Variants in DAP3 observed in about 807,000 individuals in gnomAD.
DAP3 encodes the protein small ribosomal subunit protein mS29.
A neutral mutation model predicts 51.9 loss-of-function variants in DAP3; 28 were observed. That is an observed-to-expected ratio of 0.54 (90% CI 0.40 to 0.74). DAP3 has a LOEUF of 0.74. Ranked by LOEUF, DAP3 falls within the 30% of genes least tolerant of loss-of-function variation. DAP3 has a pLI of 0.00. For missense variants in DAP3, 458 were observed against 483.5 expected (o/e 0.95, Z 0.49); for synonymous variants, 170 against 170.3 (o/e 1.00, Z 0.01).
At chr1:155,709,376 GC>G (rs1656415052) in intron 1 of DAP3, among the ~76,000 whole-genome samples, 1 of 151,980 alleles carries the variant, frequency 6.6e-6, no homozygotes, top group Non-Finnish European at 1.5e-5. Context: ...GAACTCCTGG[GC>G]TCAAGCAATC....
At chr1:155,727,140 A>C (rs1371560618) in intron 6 of DAP3, 1 of 152,368 alleles carries the variant, frequency 6.6e-6, no homozygotes, top group African/African-American at 2.4e-5. Flanking sequence ...CAAAACTTGC[A>C]TTTGTCTCTT....
At chr1:155,729,553 G>T (rs1658979526) in intron 9 of DAP3, among the ~76,000 whole-genome samples, 187 bp downstream of exon 9, 1 of 152,186 alleles carries the variant, frequency 6.6e-6, no homozygotes, top group Non-Finnish European at 1.5e-5. Context: ...GCTGAGGTGG[G>T]AGGATCGCTT....
intron 1 of DAP3, among the ~76,000 whole-genome samples, chr1:155,704,911 G>A (rs1040294044): frequency 2.6e-5 from 4 of 151,748 alleles, no homozygotes. Flanking sequence ...CTCGGGAAGT[G>A]GATGTTGCAG....
At chr1:155,688,416 C>A (rs1446408355), upstream of DAP3, 13 of 1,545,872 alleles carry the variant, frequency 8.4e-6, no homozygotes, top group African/African-American at 1.8e-4. Context: ...CCACTCCTCC[C>A]TCCTCGCGTT....
In DAP3 at chr1:155,729,218, G is replaced by A. The variant is rs145328544; in HGVS notation, c.695G>A (p.Arg232Gln). 6.2e-7 allele frequency: 1 copy of A among 1,614,206 alleles called. No individual in the cohort carries two copies. Among genetic ancestry groups the A allele is most frequent in the Non-Finnish European group, 8.5e-7 (1 of 1,180,044 alleles). The change falls in exon 9 of 13, where the codon CGG (arginine) becomes CAG (glutamine). Residue 232 changes from arginine to glutamine, a missense_variant. Physicochemically the swap from Arg to Gln is conservative, Grantham distance 43 (BLOSUM62 1). Transcript: ENST00000368336. ...TGTCTCTCCCAATAGGGCATAACAC[G>A]GGTGAGGAACGCCACAGATGCAGTT... is the stretch of plus-strand genomic sequence containing the variant. ...LGEVVEQGIT[R>Q]VRNATDAVGI... is the part of the protein sequence containing the mutation.
At chr1:155,701,862 C>G (rs375938803) in intron 1 of DAP3, among the ~76,000 whole-genome samples, 2 of 151,114 alleles carry the variant, frequency 1.3e-5, no homozygotes, top group East Asian at 3.9e-4. Flanking sequence ...AGCCAACTTT[C>G]AAAAAGAATA....
chr1:155,702,151 TAAAAAAAA>T (rs71080722), intron 1 of DAP3, among the ~76,000 whole-genome samples: 1 of 101,672 alleles, frequency 9.8e-6, no homozygotes, highest in Non-Finnish European at 2.0e-5. Flanking sequence ...ATTCTGCCTA[TAAAAAAAA>T]AAAAAAAAAA....
chr1:155,717,215 A>G, intron 3 of DAP3, 87 bp downstream of exon 3: 3 of 1,569,456 alleles, frequency 1.9e-6, no homozygotes, highest in Non-Finnish European at 2.6e-6. Flanking sequence ...TGAAACTGAA[A>G]GAAGCTTAGT....
At position 155,727,630 on chromosome 1, in the gene DAP3, T is replaced by C; in HGVS notation, c.495T>C (p.Cys165=). 6.2e-7 allele frequency: 1 copy of C among 1,613,164 alleles called. No individual in the cohort carries two copies. Among genetic ancestry groups the C allele is most frequent in the Non-Finnish European group, 8.5e-7 (1 of 1,179,566 alleles). The part of the protein sequence containing the change: ...IPDAHLWVKN[C]RDLLQSSYNK... ...AAGCTCATCTTTGGGTGAAAAATTG[T>C]CGGGATCTTCTGCAGTCCAGCTACA... is the stretch of plus-strand genomic sequence containing the variant. Residue 165 remains cysteine, a synonymous_variant, in exon 7 of 13, where the codon TGT becomes TGC. Transcript: ENST00000368336.
chr1:155,721,443 CACAT>C, intron 3 of DAP3, 70 bp from the exon 4 acceptor site: 1 of 1,229,624 alleles, frequency 8.1e-7, no homozygotes, highest in Admixed American at 1.8e-5. Flanking sequence ...TATATACACA[CACAT>C]AGATAAGACA....
rs1385496823 is a variant in DAP3, at chr1:155,717,106, C to T, written c.146C>T (p.Ser49Phe). The T allele has an allele frequency of 1.9e-6, 3 of 1,613,906 alleles. No homozygotes were observed. Among genetic ancestry groups the T allele is most frequent in the Non-Finnish European group, 1.7e-6 (2 of 1,179,950 alleles). ...CCAGTTGAGAGTCCGAGAGCTATTT[C>T]CCGCACCAATGAGAATGACCCGGTG... Reference protein sequence around the residue: ...QVPVESPRAISRTNENDPAKH... With the variant: ...QVPVESPRAIFRTNENDPAKH... The change falls in exon 3 of 13, where the codon TCC becomes TTC. Residue 49 changes from serine to phenylalanine, a missense_variant. Ser to Phe is a radical substitution (Grantham distance 155). Coordinates refer to ENST00000368336, the MANE Select transcript of DAP3 (RefSeq NM_004632.4).
chr1:155,690,740 CT>C lies in DAP3; in HGVS notation c.-8+1574del, dbSNP rs1015807318. 4.2e-5 allele frequency among the ~76,000 whole-genome samples: 6 copies of C among 141,324 alleles called. 1 individual carries two copies. The highest frequency in any genetic ancestry group is 1.3e-4 in the African/African-American group (4 of 30,976). 92.7% of individuals were successfully genotyped at this position (141,324 alleles called of 152,430 possible). A position where few individuals can be genotyped will look rare whatever the true frequency, so the allele number is the denominator to read the frequency against. On this transcript the variant is annotated intron_variant, in intron 1 of 12. Transcript: ENST00000368336. ...TTTGCAACTCTTCTGTAAATTTACA[CT>C]TTTTTTTGTTTGTTTGCTTTGAGAT...
chr1:155,702,900 C>T (rs1283535286), intron 1 of DAP3, among the ~76,000 whole-genome samples: 1 of 152,100 alleles, frequency 6.6e-6, no homozygotes, highest in Non-Finnish European at 1.5e-5. Context: ...ACCTGGGAGG[C>T]AGAGGTTGCA....
At chr1:155,697,878 G>C (rs908612321) in intron 1 of DAP3, among the ~76,000 whole-genome samples, 1 of 152,216 alleles carries the variant, frequency 6.6e-6, no homozygotes, top group African/African-American at 2.4e-5. Context: ...AACTGCATAA[G>C]ACAGACACTC....
At chr1:155,698,728 A>T (rs1422160431) in intron 1 of DAP3, among the ~76,000 whole-genome samples, 1 of 152,180 alleles carries the variant, frequency 6.6e-6, no homozygotes, top group Non-Finnish European at 1.5e-5. Flanking sequence ...GCATAAAACA[A>T]ATCCATAAGA....
In DAP3 at chr1:155,721,555, C is replaced by T; in HGVS notation, c.207C>T (p.Asn69=). The part of the protein sequence containing the change: ...HGDQHEGQHY[N]ISPQDLETVF... ...ATCAGCACGAGGGTCAGCACTACAA[C>T]ATCTCCCCCCAGGATTTGGAGACTG... is the stretch of plus-strand genomic sequence containing the variant. The change falls in exon 4 of 13, where the codon AAC becomes AAT. Residue 69 remains asparagine, a synonymous_variant. Transcript: ENST00000368336. The T allele has an allele frequency of 6.2e-7, 1 of 1,614,082 alleles. No individual in the cohort carries two copies. The highest frequency in any genetic ancestry group is 8.5e-7 in the Non-Finnish European group (1 of 1,180,026).
chr1:155,720,184 G>C (rs1657811149), intron 3 of DAP3, among the ~76,000 whole-genome samples: 1 of 151,696 alleles, frequency 6.6e-6, no homozygotes, highest in South Asian at 2.1e-4. Context: ...AATGAGCCAG[G>C]TGTAGTGGTG....
intron 5 of DAP3, 146 bp downstream of exon 5, chr1:155,725,636 G>A (rs1286241600): frequency 2.4e-5 from 19 of 792,582 alleles, no homozygotes; most frequent in Non-Finnish European, 3.8e-5. Context: ...GCCGAGGCAG[G>A]CGTATCGCCT....
chr1:155,692,232 G>A lies in DAP3; in HGVS notation c.-8+3058G>A, dbSNP rs1180874944. Among the ~76,000 whole-genome samples, 4 of 141,564 alleles carry A rather than the reference G, an allele frequency of 2.8e-5. 1 individual carries two copies. Among genetic ancestry groups the A allele is most frequent in the African/African-American group, 6.4e-5 (2 of 31,100 alleles). The allele number at this position is 141,564 out of a possible 152,430, so 92.9% of individuals were successfully genotyped here. ...GAGCACAGTGTTTATAGATAAGAGAGCAGGTTGTGCTCAGAGCATGGGAAC... is the reference window on the plus strand; with the variant it reads ...GAGCACAGTGTTTATAGATAAGAGAACAGGTTGTGCTCAGAGCATGGGAAC... On this transcript the variant is annotated intron_variant, in intron 1 of 12. Transcript: ENST00000368336.
Sources: allele counts gnomAD v4.1 joint callset (sites outside exome capture counted in the v4.1 genomes callset), GRCh38; gene constraint gnomAD v4.1.1; transcripts MANE v1.5; gene names NCBI Gene and HGNC (gene_info 2026-07-23, HGNC 2026-07-21).